The following SETX variants were observed in gnomAD, a reference collection of about 807,000 sequenced individuals.
SETX encodes the protein helicase senataxin.
A neutral mutation model predicts 227.2 loss-of-function variants in SETX; 90 were observed. The ratio of observed to expected loss-of-function variants is 0.40; its 90% CI spans 0.33 to 0.47. The LOEUF (loss-of-function observed/expected upper bound fraction) is 0.47, where lower values mean the gene tolerates loss of function less well. Ranked by LOEUF, SETX falls within the 20% of genes least tolerant of loss-of-function variation. The pLI, the probability that SETX is intolerant of heterozygous loss-of-function variation, is 0.91. For missense variants in SETX, 3,052 were observed against 3,181.5 expected (o/e 0.96, Z 0.98); for synonymous variants, 1,210 against 1,113.2 (o/e 1.09, Z -1.73).
In SETX at chr9:132,329,506, T is replaced by G; in HGVS notation, c.2092A>C (p.Thr698Pro). Residue 698 changes from threonine to proline, a missense_variant, in exon 10 of 26, where the codon ACT becomes CCT. Transcript: ENST00000224140. ...TTAATTTGATCTTCAGCTCTTTCAG[T>G]AAAAATGTTTTTACTACTCTGCTTT... ...CLKQSSKNIF[T>P]ERAEDQIKIS... is the part of the protein sequence containing the mutation. The G allele has an allele frequency of 6.2e-7, 1 of 1,612,458 alleles. No individual in the cohort carries two copies. The highest frequency in any genetic ancestry group is 8.5e-7 in the Non-Finnish European group (1 of 1,179,912).
chr9:132,348,004 A>C (rs550063153), intron 3 of SETX, among the ~76,000 whole-genome samples: 37 of 151,972 alleles, frequency 2.4e-4, no homozygotes, highest in African/African-American at 8.7e-4. Flanking sequence ...CTTGCCCTTA[A>C]AGGTTTATGC....
intron 21 of SETX, 114 bp downstream of exon 21, chr9:132,277,956 C>T: frequency 9.8e-7 from 1 of 1,019,598 alleles, no homozygotes; most frequent in Non-Finnish European, 1.5e-6. Context: ...AAATTATTAA[C>T]CCTTCATGAT....
chr9:132,313,294 T>G (rs759969809), intron 10 of SETX, among the ~76,000 whole-genome samples: 9 of 152,040 alleles, frequency 5.9e-5, no homozygotes, highest in Non-Finnish European at 1.3e-4. Flanking sequence ...ATAAAAAAAA[T>G]GGATCACTAA....
intron 1 of SETX, among the ~76,000 whole-genome samples, chr9:132,354,706 C>G (rs1041606879): frequency 2.6e-5 from 4 of 152,020 alleles, no homozygotes; most frequent in African/African-American, 7.2e-5. Context: ...CCGGGTCCAG[C>G]GCGCAGGAAG....
chr9:132,331,331 A>G lies in SETX; in HGVS notation c.956T>C (p.Ile319Thr). 1.2e-6 allele frequency: 2 copies of G among 1,614,094 alleles called. No individual in the cohort carries two copies. Among genetic ancestry groups the G allele is most frequent in the Non-Finnish European group, 1.7e-6 (2 of 1,179,996 alleles). ...CTCTCTATTGTAGCTTGCGTTGTTG[A>G]TAATGGTTTGAAATGCCACAATAGG... ...MDPIVAFQTI[I>T]NNASYNREIR... is the part of the protein sequence containing the mutation. Residue 319 changes from isoleucine (I) to threonine (T), a missense_variant, in exon 8 of 26, where the codon ATC (isoleucine) becomes ACC (threonine). Physicochemically the swap from Ile to Thr is moderately conservative, Grantham distance 89 (BLOSUM62 -1). Transcript: ENST00000224140.
Position 132,349,318 on chromosome 9 carries a change from G to A in SETX, c.111C>T (p.Leu37=). The change falls in exon 3 of 26, where the codon CTC becomes CTT. Residue 37 remains leucine (L), a synonymous_variant. Transcript: ENST00000224140. ...SGEFQTADED[L]CYCLECVAEY... ...CAGCCACACACTCCAAGCAGTAGCA[G>A]AGGTCTTCGTCGGCTGTTTGAAATT... 11 of 1,614,092 alleles carry A rather than the reference G, an allele frequency of 6.8e-6. No individual in the cohort carries two copies. Among genetic ancestry groups the A allele is most frequent in the Non-Finnish European group, 9.3e-6 (11 of 1,180,032 alleles).
Position 132,330,234 on chromosome 9 carries a change from G to C in SETX, c.1364C>G (p.Thr455Ser), listed in dbSNP as rs980098821. ...TACCAAAATTAGAAGAAAAAATTCA[G>C]TGACTTTGTCACACACAGCATCTGT... is the stretch of plus-strand genomic sequence containing the variant. ...NQTDAVCDKV[T>S]EFFLLILVSV... Residue 455 changes from threonine to serine, a missense_variant, in exon 10 of 26, where the codon ACT becomes AGT. Coordinates refer to ENST00000224140, the MANE Select transcript of SETX (RefSeq NM_015046.7). The C allele has an allele frequency of 2.5e-6, 4 of 1,569,636 alleles. No individual in the cohort carries two copies.
rs764524464 is a variant in SETX, at chr9:132,333,416, TACACACACAC to T, written c.838+1182_838+1191del. Among the ~76,000 whole-genome samples the T allele has an allele frequency of 1.9e-3, 169 of 88,072 alleles. 7 individuals carry two copies. Among genetic ancestry groups the T allele is most frequent in the African/African-American group, 6.7e-3 (130 of 19,306 alleles). The allele number at this position is 88,072 out of a possible 152,430, so 57.8% of individuals were successfully genotyped here. A position where few individuals can be genotyped will look rare whatever the true frequency, so the allele number is the denominator to read the frequency against. ...AAAAAAAGAAAAAAAAAAATATATA[TACACACACAC>T]ACACACACACACACACACACACACA... is the stretch of plus-strand genomic sequence containing the variant. On this transcript the variant is annotated intron_variant, in intron 7 of 25. Transcript: ENST00000224140.
At chr9:132,297,133 G>A (rs900761639) in intron 13 of SETX, 79 bp from the exon 14 acceptor site, 4 of 1,278,148 alleles carry the variant, frequency 3.1e-6, no homozygotes, top group Non-Finnish European at 4.4e-6. Context: ...AAAAAGACCT[G>A]TCCAAATTTC....
In SETX at chr9:132,342,852, T is replaced by G. The variant is rs1278446505; in HGVS notation, c.389-53A>C. 7.4e-6 allele frequency: 10 copies of G among 1,344,498 alleles called. No homozygotes were observed. The Admixed American group carries it at 1.2e-4, about 16-fold the overall frequency. The allele number at this position is 1,344,498 out of a possible 1,614,324, so 83.3% of individuals were successfully genotyped here. Reference sequence around the variant, plus strand: ...ATAAATCTTATCACCTTATCAAGATTCCCTAAATTAGGCTCCTTGGGCTAT... The same window carrying G: ...ATAAATCTTATCACCTTATCAAGATGCCCTAAATTAGGCTCCTTGGGCTAT... On this transcript the variant is annotated intron_variant, in intron 4 of 25. Transcript: ENST00000224140.
Position 132,264,319 on chromosome 9 carries a change from G to A in SETX, c.7954C>T (p.His2652Tyr), listed in dbSNP as rs1842517214. ...TCCCACCTAGAGTTCCTCCTGGTGT[G>A]ATGGGTCTCGGAACCACACTTCTCC... Reference protein sequence around the residue: ...EQEKCGSETHHTRRNSRWDKR... With the variant: ...EQEKCGSETHYTRRNSRWDKR... Residue 2652 changes from histidine (H) to tyrosine (Y), a missense_variant, in exon 26 of 26, where the codon CAC becomes TAC. Coordinates refer to ENST00000224140, the MANE Select transcript of SETX (RefSeq NM_015046.7). 9 of 1,614,140 alleles carry A rather than the reference G, an allele frequency of 5.6e-6. No individual in the cohort carries two copies. The highest frequency in any genetic ancestry group is 6.8e-6 in the Non-Finnish European group (8 of 1,180,010).
chr9:132,267,507 A>G (rs1842703613), intron 25 of SETX, among the ~76,000 whole-genome samples: 1 of 152,254 alleles, frequency 6.6e-6, no homozygotes, highest in Non-Finnish European at 1.5e-5. Flanking sequence ...TCCCATTCCC[A>G]TAAGGGGAAC....
rs1388938362 is a variant in SETX at position 132,278,372 on chromosome 9, G to T, written c.6655-115C>A. The T allele has an allele frequency of 5.9e-6, 5 of 846,208 alleles. No homozygotes were observed. The Admixed American group carries it at 6.6e-5, about 11-fold the overall frequency. The allele number at this position is 846,208 out of a possible 1,614,324, so 52.4% of individuals were successfully genotyped here. On this transcript the variant is annotated intron_variant, in intron 20 of 25. Transcript: ENST00000224140. ...ATATGGCAACGTTCAGGTAGCATAA[G>T]ATTACCAACCACAGCTTCAGAGAAA... is the stretch of plus-strand genomic sequence containing the variant.
intron 7 of SETX, among the ~76,000 whole-genome samples, chr9:132,333,456 C>T (rs917098245): frequency 1.3e-4 from 18 of 141,096 alleles, no homozygotes; most frequent in African/African-American, 4.5e-4. Context: ...CACACACACA[C>T]ACGCCCTATC....
intron 12 of SETX, among the ~76,000 whole-genome samples, chr9:132,300,000 G>A (rs1258397153): frequency 1.3e-5 from 2 of 151,814 alleles, no homozygotes; most frequent in African/African-American, 4.8e-5. Flanking sequence ...ACTGGTGGCG[G>A]ATGCCTATAA....
chr9:132,273,482 T>C (rs1842996398), intron 23 of SETX, among the ~76,000 whole-genome samples: 1 of 152,242 alleles, frequency 6.6e-6, no homozygotes, highest in Non-Finnish European at 1.5e-5. Context: ...GTTCTTTAAT[T>C]CCTTTCAACA....
intron 10 of SETX, among the ~76,000 whole-genome samples, chr9:132,323,190 G>A (rs1455103577): frequency 1.3e-5 from 2 of 152,076 alleles, no homozygotes; most frequent in African/African-American, 2.4e-5. Flanking sequence ...CAAGGATAAG[G>A]ACTACTATTT....
chr9:132,352,742 ATC>A (rs1162993900), intron 2 of SETX, among the ~76,000 whole-genome samples: 2 of 152,198 alleles, frequency 1.3e-5, no homozygotes. Context: ...CATACAGTGT[ATC>A]TCTACTCACA....
chr9:132,268,099 T>C (rs186995003), intron 25 of SETX, among the ~76,000 whole-genome samples: 19 of 152,360 alleles, frequency 1.2e-4, no homozygotes, highest in Admixed American at 1.2e-3. Flanking sequence ...ATTCAATTGA[T>C]AAGAGATCAC....
Sources: gnomAD v4.1 joint callset for allele counts (sites outside exome capture counted in the v4.1 genomes callset) on GRCh38, gnomAD v4.1.1 for gene constraint, MANE v1.5 for transcripts, NCBI Gene and HGNC (gene_info 2026-07-23, HGNC 2026-07-21) for gene names.